LAMA4: variants seen among roughly 807,000 people sequenced by gnomAD.
LAMA4 encodes the protein laminin subunit alpha 4, also known as laminin subunit alpha-4.
A neutral mutation model predicts 207.1 loss-of-function variants in LAMA4; 127 were observed. The ratio of observed to expected loss-of-function variants is 0.61; its 90% CI spans 0.53 to 0.71. The LOEUF is 0.71. Among genes scored for constraint, LAMA4 ranks in the 30% least tolerant of loss-of-function variants. The pLI, the probability that LAMA4 is intolerant of heterozygous loss-of-function variation, is 0.00. For missense variants in LAMA4, 2,093 were observed against 2,246.5 expected, an observed-to-expected ratio of 0.93 and a Z score of 1.38; for synonymous variants, 761 against 816.0, an observed-to-expected ratio of 0.93 and a Z score of 1.15.
intron 2 of LAMA4, among the ~76,000 whole-genome samples, chr6:112,242,751 G>A (rs1562104080): frequency 6.6e-6 from 1 of 152,136 alleles, no homozygotes; most frequent in Non-Finnish European, 1.5e-5. Flanking sequence ...ACAGTTCCTT[G>A]AACATATTTG....
rs2114708271 is a variant in LAMA4 at position 112,142,236 on chromosome 6, G to A, written c.2550C>T (p.Thr850=). ...TGAAGGCCTTTAAGTCATCCATACTGGTTCTCGAGTGCACTTCCACAGCTG... is the reference window on the plus strand; with the variant it reads ...TGAAGGCCTTTAAGTCATCCATACTAGTTCTCGAGTGCACTTCCACAGCTG... ...GQSAVEVHSR[T]SMDDLKAFTS... is the part of the protein sequence containing the mutation. Residue 850 remains threonine, a synonymous_variant, in exon 20 of 39, where the codon ACC becomes ACT. Transcript: ENST00000230538. 1 of 1,614,056 alleles carries A rather than the reference G, an allele frequency of 6.2e-7. No individual in the cohort carries two copies. Among genetic ancestry groups the A allele is most frequent in the Non-Finnish European group, 8.5e-7 (1 of 1,179,976 alleles).
chr6:112,194,821 G>C (rs1783317702), intron 5 of LAMA4, among the ~76,000 whole-genome samples: 1 of 152,100 alleles, frequency 6.6e-6, no homozygotes, highest in Admixed American at 6.6e-5. Flanking sequence ...TTGGAGCCCT[G>C]GTGCCCAGTA....
At chr6:112,121,339 T>G (rs1583643419) in intron 32 of LAMA4, among the ~76,000 whole-genome samples, 2 of 152,364 alleles carry the variant, frequency 1.3e-5, no homozygotes, top group East Asian at 3.9e-4. Context: ...ACTTCTAGTT[T>G]GATTAACTCT....
chr6:112,115,294 A>G (rs746773513), intron 36 of LAMA4, among the ~76,000 whole-genome samples: 55 of 151,322 alleles, frequency 3.6e-4, no homozygotes, highest in Non-Finnish European at 7.3e-4. Flanking sequence ...AGAATGTACT[A>G]GAACCCAAAT....
intron 13 of LAMA4, among the ~76,000 whole-genome samples, 174 bp downstream of exon 13, chr6:112,164,986 A>T (rs1781298398): frequency 6.6e-6 from 1 of 152,260 alleles, no homozygotes. Flanking sequence ...AAATTTAAGT[A>T]GTCATATGTG....
At chr6:112,110,166 C>T (rs1681295690) in intron 38 of LAMA4, among the ~76,000 whole-genome samples, 3 of 152,028 alleles carry the variant, frequency 2.0e-5, no homozygotes, top group Admixed American at 1.3e-4. Flanking sequence ...TTTGTGTGGG[C>T]ACAAGTGCCC....
At chr6:112,195,479 C>T (rs782650427) in intron 5 of LAMA4, among the ~76,000 whole-genome samples, 1 of 152,124 alleles carries the variant, frequency 6.6e-6, no homozygotes, top group East Asian at 1.9e-4. Flanking sequence ...TCACAGTAAA[C>T]CTCAATAAAG....
chr6:112,241,172 A>AATATATATATTAATATATATGAAT (rs61692382), intron 2 of LAMA4, among the ~76,000 whole-genome samples: 1 of 89,404 alleles, frequency 1.1e-5, no homozygotes, highest in African/African-American at 5.4e-5. Flanking sequence ...AATATATATG[A>AATATATATATTAATATATATGAAT]ATATATATGA....
chr6:112,237,966 T>C (rs1210917201), intron 2 of LAMA4, among the ~76,000 whole-genome samples: 2 of 152,228 alleles, frequency 1.3e-5, no homozygotes, highest in South Asian at 2.1e-4. Flanking sequence ...TTCTCTTTCT[T>C]CTGCTATGAA....
At chr6:112,132,409 T>C (rs2114653788) in intron 28 of LAMA4, among the ~76,000 whole-genome samples, 1 of 152,234 alleles carries the variant, frequency 6.6e-6, no homozygotes, top group African/African-American at 2.4e-5. Context: ...TCACAGGTAC[T>C]GGTAATACTA....
chr6:112,207,485 T>G (rs782691537), intron 3 of LAMA4, among the ~76,000 whole-genome samples: 2 of 145,524 alleles, frequency 1.4e-5, no homozygotes, highest in Non-Finnish European at 2.9e-5. Flanking sequence ...CCAGAAATAT[T>G]GGCTTATTGA....
intron 29 of LAMA4, chr6:112,130,301 TG>T (rs1554329302): frequency 4.6e-4 from 79 of 173,454 alleles, no homozygotes; most frequent in African/African-American, 2.6e-3. Context: ...GCATTATTTT[TG>T]TGTGTGTGTG....
At chr6:112,188,977 G>A in intron 7 of LAMA4, 133 bp downstream of exon 7, 3 of 694,940 alleles carry the variant, frequency 4.3e-6, no homozygotes, top group Non-Finnish European at 7.8e-6. Context: ...ATTTGCTGAG[G>A]TGCAGAAAGG....
At chr6:112,131,251 A>G in intron 28 of LAMA4, 150 bp from the exon 29 acceptor site, 1 of 729,592 alleles carries the variant, frequency 1.4e-6, no homozygotes, top group Non-Finnish European at 2.4e-6. Flanking sequence ...ACAACCAAGA[A>G]TACCTTATTG....
chr6:112,139,630 T>C (rs998198141), intron 23 of LAMA4, 122 bp downstream of exon 23: 8 of 1,152,736 alleles, frequency 6.9e-6, no homozygotes, highest in African/African-American at 1.5e-5. Context: ...GTATGACTTA[T>C]GTAGTTTCAA....
chr6:112,164,615 A>T (rs1488833459), intron 13 of LAMA4, among the ~76,000 whole-genome samples: 2 of 152,238 alleles, frequency 1.3e-5, no homozygotes, highest in Non-Finnish European at 2.9e-5. Context: ...AAATGACCTT[A>T]AAGTGATATC....
chr6:112,226,451 T>G (rs77165496), intron 2 of LAMA4, among the ~76,000 whole-genome samples: 2 of 152,218 alleles, frequency 1.3e-5, no homozygotes, highest in African/African-American at 2.4e-5. Flanking sequence ...CTGGGATGTC[T>G]TTCCCTACTT....
chr6:112,163,824 T>C (rs1775834803), intron 13 of LAMA4, among the ~76,000 whole-genome samples: 1 of 152,194 alleles, frequency 6.6e-6, no homozygotes, highest in African/African-American at 2.4e-5. Context: ...GTTTGTACGC[T>C]GATGGTAATG....
intron 13 of LAMA4, among the ~76,000 whole-genome samples, chr6:112,161,788 G>C (rs1781067681): frequency 6.6e-6 from 1 of 152,176 alleles, no homozygotes; most frequent in Non-Finnish European, 1.5e-5. Flanking sequence ...TTGAAGATCT[G>C]AGGGCAGCAG....
Sources: gnomAD v4.1 joint callset for allele counts (sites outside exome capture counted in the v4.1 genomes callset) on GRCh38, gnomAD v4.1.1 for gene constraint, MANE v1.5 for transcripts, NCBI Gene and HGNC (gene_info 2026-07-23, HGNC 2026-07-21) for gene names.